SCFD2: variants seen among roughly 807,000 people sequenced by gnomAD.
SCFD2 encodes the protein sec1 family domain-containing protein 2.
Under a neutral mutation model 58.9 loss-of-function variants are expected in SCFD2, and 54 were observed. The observed-to-expected ratio is 0.92, with a 90% CI of 0.74 to 1.15. The LOEUF (loss-of-function observed/expected upper bound fraction) is 1.15. Among genes scored for constraint, SCFD2 ranks in the 50% most tolerant of loss-of-function variants. SCFD2 has a pLI of 0.00. For missense variants in SCFD2, 805 were observed against 836.6 expected, an observed-to-expected ratio of 0.96 and a Z score of 0.47; for synonymous variants, 321 against 335.9, an observed-to-expected ratio of 0.96 and a Z score of 0.49.
intron 7 of SCFD2, among the ~76,000 whole-genome samples, chr4:52,904,447 A>G (rs1038737141): frequency 6.6e-6 from 1 of 152,250 alleles, no homozygotes; most frequent in African/African-American, 2.4e-5. Flanking sequence ...GTTGGTAGCT[A>G]ATACACAATG....
At chr4:53,053,097 C>T (rs552926479) in intron 5 of SCFD2, among the ~76,000 whole-genome samples, 5 of 152,070 alleles carry the variant, frequency 3.3e-5, no homozygotes, top group East Asian at 3.9e-4. Context: ...TGATGGCACA[C>T]GCTTGTAATC....
intron 4 of SCFD2, among the ~76,000 whole-genome samples, chr4:53,215,905 T>C (rs1412264343): frequency 1.3e-5 from 2 of 152,192 alleles, no homozygotes; most frequent in Non-Finnish European, 2.9e-5. Context: ...GAGATAATCA[T>C]GTGGTTTTTG....
chr4:53,331,662 C>A (rs951985403), intron 2 of SCFD2, among the ~76,000 whole-genome samples: 17 of 152,110 alleles, frequency 1.1e-4, no homozygotes, highest in Admixed American at 1.0e-3. Flanking sequence ...CTAAAATTGA[C>A]ACCCTAACAT....
chr4:53,037,967 G>A (rs1026415342), intron 5 of SCFD2, among the ~76,000 whole-genome samples: 2 of 152,062 alleles, frequency 1.3e-5, no homozygotes, highest in African/African-American at 4.8e-5. Flanking sequence ...TATCTGCTTG[G>A]AACATGACAC....
chr4:53,000,607 C>T (rs2148800190), intron 5 of SCFD2, among the ~76,000 whole-genome samples: 1 of 152,306 alleles, frequency 6.6e-6, no homozygotes, highest in Middle Eastern at 3.4e-3. Flanking sequence ...GTTCCCAGGC[C>T]ATAGCGCCAA....
At chr4:53,288,045 G>A (rs1731723577) in intron 3 of SCFD2, among the ~76,000 whole-genome samples, 1 of 152,036 alleles carries the variant, frequency 6.6e-6, no homozygotes, top group South Asian at 2.1e-4. Context: ...TTCCACGCCA[G>A]CCTGGGCAAC....
rs899549715 is a variant in SCFD2, at chr4:53,334,259, C to G, written c.1007+18339G>C. Among the ~76,000 whole-genome samples, 15 of 151,872 alleles carry G rather than the reference C, an allele frequency of 9.9e-5. 1 individual carries two copies. The highest frequency in any genetic ancestry group is 6.6e-4 in the Admixed American group (10 of 15,242). On this transcript the variant is annotated intron_variant, in intron 2 of 8. Coordinates refer to ENST00000401642, the MANE Select transcript of SCFD2 (RefSeq NM_152540.4). ...AGCCATCCCATTACTGGGTATATAC[C>G]CAAAGGACTATAAATCTTGCTGCTA... is the stretch of plus-strand genomic sequence containing the variant.
intron 5 of SCFD2, among the ~76,000 whole-genome samples, chr4:52,959,897 A>ACACACACACACACACACACAC (rs1720804700): frequency 7.2e-6 from 1 of 138,114 alleles, no homozygotes; most frequent in African/African-American, 2.7e-5. Flanking sequence ...TCCAAATTGA[A>ACACACACACACACACACACAC]ACACACACAC....
At chr4:53,048,365 G>GTACA (rs1162013024) in intron 5 of SCFD2, among the ~76,000 whole-genome samples, 2 of 151,906 alleles carry the variant, frequency 1.3e-5, no homozygotes, top group Admixed American at 6.6e-5. Flanking sequence ...GAATAAATAA[G>GTACA]TACATACATA....
chr4:53,225,886 G>T (rs1729196728), intron 4 of SCFD2, among the ~76,000 whole-genome samples: 1 of 152,098 alleles, frequency 6.6e-6, no homozygotes, highest in Admixed American at 6.5e-5. Context: ...TGGCTTTTAG[G>T]TTTTTCCCTA....
chr4:52,959,456 A>G (rs1342787710), intron 5 of SCFD2, among the ~76,000 whole-genome samples: 1 of 152,158 alleles, frequency 6.6e-6, no homozygotes, highest in Non-Finnish European at 1.5e-5. Flanking sequence ...TAAGCATATT[A>G]AAGTCTGAGA....
In SCFD2 at chr4:52,945,945, C is replaced by T. The variant is rs556670269; in HGVS notation, c.1562-25075G>A. Among the ~76,000 whole-genome samples, 3 of 151,794 alleles carry T rather than the reference C, an allele frequency of 2.0e-5. No homozygotes were observed. The South Asian group carries it at 6.2e-4, about 32-fold the overall frequency. ...TGGGGGGTTATATTCTTTTCTTTTC[C>T]CTAAATTAACTGATTTTAAAAAGCA... On this transcript the variant is annotated intron_variant, in intron 5 of 8. Coordinates refer to ENST00000401642, the MANE Select transcript of SCFD2 (RefSeq NM_152540.4).
chr4:52,882,539 C>A (rs1718642388), intron 8 of SCFD2, among the ~76,000 whole-genome samples: 1 of 152,146 alleles, frequency 6.6e-6, no homozygotes, highest in Non-Finnish European at 1.5e-5. Context: ...GGCAGACCCA[C>A]CCTCAATCTG....
intron 4 of SCFD2, among the ~76,000 whole-genome samples, chr4:53,186,777 G>A (rs542204604): frequency 2.6e-5 from 4 of 151,972 alleles, no homozygotes; most frequent in South Asian, 2.1e-4. Context: ...AATGTTCAAG[G>A]GAGCCAGCTC....
intron 5 of SCFD2, among the ~76,000 whole-genome samples, chr4:52,988,423 T>A (rs572885315): frequency 4.9e-4 from 75 of 152,276 alleles, no homozygotes; most frequent in African/African-American, 1.7e-3. Context: ...ACGAACCACA[T>A]TTGTCCAATG....
At chr4:53,129,056 A>T (rs1322226847) in intron 5 of SCFD2, among the ~76,000 whole-genome samples, 1 of 152,236 alleles carries the variant, frequency 6.6e-6, no homozygotes, top group African/African-American at 2.4e-5. Context: ...ATTTGGCTTT[A>T]AAAAAGCTTC....
chr4:52,992,606 C>T (rs1186122243), intron 5 of SCFD2, among the ~76,000 whole-genome samples: 4 of 151,514 alleles, frequency 2.6e-5, no homozygotes, highest in Non-Finnish European at 4.4e-5. Context: ...GGCCGCCCAT[C>T]GTCTGAGATG....
At chr4:53,281,825 T>C (rs961840718) in intron 3 of SCFD2, among the ~76,000 whole-genome samples, 3 of 152,232 alleles carry the variant, frequency 2.0e-5, no homozygotes, top group Non-Finnish European at 1.5e-5. Context: ...ATATTCTTAG[T>C]AGAGGATATT....
chr4:52,896,077 A>G (rs1367935898), intron 7 of SCFD2, among the ~76,000 whole-genome samples: 1 of 151,986 alleles, frequency 6.6e-6, no homozygotes, highest in Non-Finnish European at 1.5e-5. Flanking sequence ...TTGTCAGATG[A>G]GTAGATTGCA....
Sources: allele counts gnomAD v4.1 joint callset (sites outside exome capture counted in the v4.1 genomes callset), GRCh38; gene constraint gnomAD v4.1.1; transcripts MANE v1.5; gene names NCBI Gene and HGNC (gene_info 2026-07-23, HGNC 2026-07-21).